Variants in ABTB3 observed in about 807,000 individuals in gnomAD.
ABTB3 encodes the protein ankyrin repeat and BTB domain containing 3, also known as ankyrin repeat- and BTB/POZ domain-containing protein 3.
At chr12:107,366,384 CT>C in the ABTB3 span, among the ~76,000 whole-genome samples, 2 of 152,082 alleles carry the variant, frequency 1.3e-5, no homozygotes, top group African/African-American at 4.8e-5. Flanking sequence ...CTTCTAAAAC[CT>C]TTACAAGGAA....
the ABTB3 span, among the ~76,000 whole-genome samples, chr12:107,464,723 A>T: frequency 1.3e-5 from 2 of 152,208 alleles, no homozygotes; most frequent in Non-Finnish European, 2.9e-5. Context: ...CTGAGGTCTA[A>T]GTAAGCTTAT....
the ABTB3 span, among the ~76,000 whole-genome samples, chr12:107,376,709 G>A: frequency 1.3e-5 from 2 of 151,922 alleles, no homozygotes; most frequent in Non-Finnish European, 2.9e-5. Flanking sequence ...CTGTGGCCCA[G>A]AGCAAACAGT....
At chr12:107,455,336 T>C in the ABTB3 span, among the ~76,000 whole-genome samples, 1 of 152,212 alleles carries the variant, frequency 6.6e-6, no homozygotes, top group Non-Finnish European at 1.5e-5. Context: ...AGGTCCATGG[T>C]TCTTTCATAT....
chr12:107,598,080 G>T, the ABTB3 span, among the ~76,000 whole-genome samples: 1 of 152,230 alleles, frequency 6.6e-6, no homozygotes, highest in Non-Finnish European at 1.5e-5. Flanking sequence ...TGGCAAGTCT[G>T]CTTATCAGCT....
At chr12:107,520,766 G>A in the ABTB3 span, 1 of 1,167,528 alleles carries the variant, frequency 8.6e-7, no homozygotes, top group Non-Finnish European at 1.2e-6. Flanking sequence ...ACCTTTTATT[G>A]ACTGCCTGCT....
chr12:107,350,620 T>A, the ABTB3 span, among the ~76,000 whole-genome samples: 7 of 152,076 alleles, frequency 4.6e-5, no homozygotes, highest in Non-Finnish European at 7.4e-5. Context: ...CCCAGGGATC[T>A]AATAGGAGGC....
the ABTB3 span, among the ~76,000 whole-genome samples, chr12:107,325,067 A>C: frequency 6.6e-5 from 10 of 152,260 alleles, no homozygotes; most frequent in Non-Finnish European, 1.3e-4. Context: ...TAGGCACTCG[A>C]TAATAATGGC....
At chr12:107,330,095 C>A in the ABTB3 span, among the ~76,000 whole-genome samples, 1 of 151,914 alleles carries the variant, frequency 6.6e-6, no homozygotes, top group Non-Finnish European at 1.5e-5. Flanking sequence ...TTGGTGAATG[C>A]GAACTGCATG....
At chr12:107,353,195 T>C in the ABTB3 span, among the ~76,000 whole-genome samples, 1 of 152,208 alleles carries the variant, frequency 6.6e-6, no homozygotes, top group Non-Finnish European at 1.5e-5. Context: ...TCTTTCATGA[T>C]ACCCTGATGC....
chr12:107,580,628 G>C, the ABTB3 span: 1 of 338,048 alleles, frequency 3.0e-6, no homozygotes, highest in African/African-American at 2.1e-5. Context: ...GCAGCATGTT[G>C]CCTGGGCAGA....
At chr12:107,568,566 A>G in the ABTB3 span, among the ~76,000 whole-genome samples, 2 of 152,182 alleles carry the variant, frequency 1.3e-5, no homozygotes, top group Non-Finnish European at 2.9e-5. Flanking sequence ...CTTCAATCAC[A>G]CTAATAACAT....
At chr12:107,501,799 G>A in the ABTB3 span, among the ~76,000 whole-genome samples, 2 of 152,098 alleles carry the variant, frequency 1.3e-5, no homozygotes, top group Non-Finnish European at 2.9e-5. Context: ...GAGATAGAGC[G>A]TCCATAGGTG....
At chr12:107,434,196 C>T in the ABTB3 span, among the ~76,000 whole-genome samples, 33 of 152,292 alleles carry the variant, frequency 2.2e-4, no homozygotes, top group East Asian at 6.0e-3. Flanking sequence ...TCAGAGTTAT[C>T]CCACCTGTAG....
At chr12:107,325,881 A>C in the ABTB3 span, among the ~76,000 whole-genome samples, 1 of 152,226 alleles carries the variant, frequency 6.6e-6, no homozygotes, top group African/African-American at 2.4e-5. Flanking sequence ...TTTATGTATT[A>C]TAATCATTAT....
chr12:107,411,128 C>T, the ABTB3 span, among the ~76,000 whole-genome samples: 2 of 152,010 alleles, frequency 1.3e-5, no homozygotes, highest in South Asian at 2.1e-4. Context: ...GGCAAAACCC[C>T]GTCTCTACTA....
the ABTB3 span, among the ~76,000 whole-genome samples, chr12:107,480,490 T>C: frequency 6.6e-6 from 1 of 152,132 alleles, no homozygotes; most frequent in Non-Finnish European, 1.5e-5. Flanking sequence ...GTGAGGGAGA[T>C]GATGTGTCCA....
At chr12:107,358,962 C>T in the ABTB3 span, among the ~76,000 whole-genome samples, 5 of 152,220 alleles carry the variant, frequency 3.3e-5, no homozygotes, top group Non-Finnish European at 4.4e-5. Context: ...CTCTCTGCAG[C>T]ATCCAGGCCA....
the ABTB3 span, among the ~76,000 whole-genome samples, chr12:107,417,399 T>A: frequency 7.2e-5 from 11 of 152,354 alleles, no homozygotes; most frequent in African/African-American, 2.6e-4. Flanking sequence ...CTGTTTCTCA[T>A]CTGCCTTCTC....
At chr12:107,332,753 G>A in the ABTB3 span, among the ~76,000 whole-genome samples, 1 of 152,152 alleles carries the variant, frequency 6.6e-6, no homozygotes, top group African/African-American at 2.4e-5. Context: ...GGGAAAAGAT[G>A]TGAGTCTCCC....
Sources: allele counts gnomAD v4.1 joint callset (sites outside exome capture counted in the v4.1 genomes callset), GRCh38; gene constraint gnomAD v4.1.1; transcripts MANE v1.5; gene names NCBI Gene and HGNC (gene_info 2026-07-23, HGNC 2026-07-21).